Variants in BRD10 observed in about 807,000 individuals in gnomAD.
BRD10 encodes the protein bromodomain containing 10.
the BRD10 span, among the ~76,000 whole-genome samples, chr9:5,911,968 T>C: frequency 8.5e-3 from 1,293 of 152,366 alleles, 15 homozygotes; most frequent in African/African-American, 0.029. Context: ...AATCTGCAGA[T>C]TGCTTTGGGT....
chr9:5,992,436 G>T, the BRD10 span, among the ~76,000 whole-genome samples: 4 of 152,086 alleles, frequency 2.6e-5, no homozygotes, highest in African/African-American at 9.7e-5. Flanking sequence ...CCATTAATCA[G>T]TGAATAAAAT....
At chr9:5,947,145 A>C in the BRD10 span, among the ~76,000 whole-genome samples, 1 of 152,166 alleles carries the variant, frequency 6.6e-6, no homozygotes, top group Non-Finnish European at 1.5e-5. Flanking sequence ...AGAGCTACAT[A>C]AAATAACACT....
At chr9:5,996,097 G>T in the BRD10 span, among the ~76,000 whole-genome samples, 1 of 152,030 alleles carries the variant, frequency 6.6e-6, no homozygotes. Context: ...AAAGGCGGGG[G>T]GTTCAAGATA....
At chr9:5,940,340 C>T in the BRD10 span, among the ~76,000 whole-genome samples, 54 of 152,084 alleles carry the variant, frequency 3.6e-4, no homozygotes, top group South Asian at 1.2e-3. Context: ...ATTACAGGCA[C>T]GCGCCACTAC....
chr9:5,931,636 T>C, the BRD10 span, among the ~76,000 whole-genome samples: 1 of 152,212 alleles, frequency 6.6e-6, no homozygotes, highest in Non-Finnish European at 1.5e-5. Context: ...TCTGGGGTAG[T>C]GGTGGTATAG....
chr9:5,892,624 T>C, the BRD10 span: 69 of 1,215,128 alleles, frequency 5.7e-5, no homozygotes, highest in East Asian at 1.5e-3. Context: ...CTTCCACCAG[T>C]ACATGCCTGC....
chr9:5,905,212 C>T, the BRD10 span, among the ~76,000 whole-genome samples: 1 of 152,196 alleles, frequency 6.6e-6, no homozygotes, highest in Non-Finnish European at 1.5e-5. Context: ...CTAATTCCTT[C>T]CTCCTGTAAA....
the BRD10 span, among the ~76,000 whole-genome samples, chr9:5,883,015 G>T: frequency 5.3e-5 from 8 of 152,112 alleles, no homozygotes; most frequent in African/African-American, 1.7e-4. Context: ...GTTGTGGAGT[G>T]GGGGGCTGGG....
the BRD10 span, among the ~76,000 whole-genome samples, chr9:5,975,663 T>C: frequency 1.3e-5 from 2 of 152,010 alleles, no homozygotes; most frequent in Non-Finnish European, 2.9e-5. Context: ...ATTAGTGAAC[T>C]TGAAGACAGA....
At chr9:5,929,200 A>G in the BRD10 span, 3 of 1,022,350 alleles carry the variant, frequency 2.9e-6, no homozygotes, top group Non-Finnish European at 4.5e-6. Flanking sequence ...GATTTATTCT[A>G]AAAGTAAATG....
chr9:5,931,307 T>C, the BRD10 span, among the ~76,000 whole-genome samples: 6 of 152,222 alleles, frequency 3.9e-5, no homozygotes, highest in African/African-American at 1.4e-4. Flanking sequence ...ACTGGGTAGC[T>C]GGGATGTTGT....
the BRD10 span, chr9:6,007,191 T>C: frequency 1.9e-6 from 3 of 1,610,658 alleles, no homozygotes; most frequent in Non-Finnish European, 2.5e-6. Flanking sequence ...CCGGGCTCGC[T>C]TACCGAGAGA....
At chr9:5,937,122 C>G in the BRD10 span, among the ~76,000 whole-genome samples, 1 of 148,360 alleles carries the variant, frequency 6.7e-6, no homozygotes, top group African/African-American at 2.5e-5. Context: ...TCCAACTGCT[C>G]AGGAGGCTGA....
chr9:5,896,943 G>A, the BRD10 span, among the ~76,000 whole-genome samples: 1 of 152,164 alleles, frequency 6.6e-6, no homozygotes, highest in Admixed American at 6.5e-5. Flanking sequence ...GGGAAGGGAG[G>A]GCACGAACAT....
chr9:5,913,900 A>G, the BRD10 span: 2 of 349,546 alleles, frequency 5.7e-6, no homozygotes, highest in Non-Finnish European at 1.1e-5. Context: ...GCTCATATGA[A>G]AATATCAGCT....
chr9:5,988,390 T>C, the BRD10 span: 2 of 1,613,966 alleles, frequency 1.2e-6, no homozygotes, highest in Non-Finnish European at 8.5e-7. Flanking sequence ...TCTCAAAACT[T>C]GAACCATTAT....
the BRD10 span, among the ~76,000 whole-genome samples, chr9:5,908,183 C>A: frequency 6.6e-6 from 1 of 152,178 alleles, no homozygotes; most frequent in Non-Finnish European, 1.5e-5. Context: ...AATAAAAACA[C>A]TCCCAGAATT....
chr9:5,978,443 T>C, the BRD10 span, among the ~76,000 whole-genome samples: 3 of 149,102 alleles, frequency 2.0e-5, no homozygotes, highest in South Asian at 4.2e-4. Flanking sequence ...TGTACACAAA[T>C]TGATGGCATG....
the BRD10 span, among the ~76,000 whole-genome samples, chr9:5,996,894 C>G: frequency 5.3e-5 from 8 of 152,316 alleles, no homozygotes; most frequent in Middle Eastern, 3.4e-3. Context: ...AGGTCACTAA[C>G]TCTCATACTG....
Sources: allele counts gnomAD v4.1 joint callset (sites outside exome capture counted in the v4.1 genomes callset), GRCh38; gene constraint gnomAD v4.1.1; transcripts MANE v1.5; gene names NCBI Gene and HGNC (gene_info 2026-07-23, HGNC 2026-07-21).